Variants in EPB41L3 observed in about 807,000 individuals in gnomAD.
EPB41L3 encodes band 4.1-like protein 3.
In EPB41L3, 57 loss-of-function variants were observed where a neutral mutation model predicts 127.1. The observed-to-expected ratio is 0.45, with a 90% CI of 0.36 to 0.56. The LOEUF (loss-of-function observed/expected upper bound fraction) is 0.56, where lower values mean the gene tolerates loss of function less well. Ranked by LOEUF, EPB41L3 falls within the 20% of genes least tolerant of loss-of-function variation. The pLI, the probability that EPB41L3 is intolerant of heterozygous loss-of-function variation, is 0.00. For synonymous variants in EPB41L3, 572 were observed against 549.5 expected (o/e 1.04, Z -0.57); for missense variants, 1,273 against 1,372.2 (o/e 0.93, Z 1.14).
intron 3 of EPB41L3, among the ~76,000 whole-genome samples, chr18:5,459,193 G>A (rs754552657): frequency 1.3e-5 from 2 of 152,138 alleles, no homozygotes; most frequent in African/African-American, 2.4e-5. Context: ...AACGACTCAA[G>A]CGGCTGAGGA....
In EPB41L3 at chr18:5,428,428, GCA is replaced by G; in HGVS notation, c.948_949del (p.Ala317LysfsTer33). The G allele has an allele frequency of 6.2e-7, 1 of 1,614,152 alleles. No individual in the cohort carries two copies. Among genetic ancestry groups the G allele is most frequent in the Non-Finnish European group, 8.5e-7 (1 of 1,180,030 alleles). The stretch of plus-strand genomic sequence containing the variant: ...GTCGCGATATATCAACAGACCACTT[GCA>G]CAAACTCCTAACATAATTTCTACCC... On this transcript the variant is annotated frameshift_variant, in exon 9 of 23. Coordinates refer to ENST00000341928, the MANE Select transcript of EPB41L3 (RefSeq NM_012307.5). LOFTEE classifies it high-confidence loss of function.
intron 3 of EPB41L3, among the ~76,000 whole-genome samples, chr18:5,559,384 A>T (rs182088205): frequency 6.6e-6 from 1 of 152,332 alleles, no homozygotes; most frequent in East Asian, 1.9e-4. Context: ...CCTTGCAAGG[A>T]CAGAGAAATC....
chr18:5,522,275 T>TTTTG (rs146090536), intron 1 of EPB41L3, among the ~76,000 whole-genome samples: 3 of 151,862 alleles, frequency 2.0e-5, no homozygotes, highest in Non-Finnish European at 2.9e-5. Flanking sequence ...AGCTAAATTT[T>TTTTG]TTTGTTTGTT....
At chr18:5,533,817 A>G (rs1404812695) in intron 1 of EPB41L3, among the ~76,000 whole-genome samples, 1 of 151,446 alleles carries the variant, frequency 6.6e-6, no homozygotes, top group Non-Finnish European at 1.5e-5. Context: ...TACTTCCTTA[A>G]CCTTTTAAAT....
intron 1 of EPB41L3, among the ~76,000 whole-genome samples, chr18:5,494,777 G>A (rs541958832): frequency 2.6e-5 from 4 of 152,016 alleles, no homozygotes; most frequent in African/African-American, 7.2e-5. Flanking sequence ...ACTTACTTGC[G>A]TGAGGTTACA....
intron 1 of EPB41L3, among the ~76,000 whole-genome samples, chr18:5,511,409 TTTTTTTTTTTTTTG>T: frequency 7.1e-6 from 1 of 141,430 alleles, no homozygotes; most frequent in Non-Finnish European, 1.5e-5. Context: ...TTTTTTTTTT[TTTTTTTTTTTTTTG>T]TATGTAGACC....
intron 5 of EPB41L3, among the ~76,000 whole-genome samples, chr18:5,443,039 C>T (rs2081007762): frequency 6.6e-6 from 1 of 152,066 alleles, no homozygotes; most frequent in African/African-American, 2.4e-5. Context: ...TTCTAGTTTT[C>T]TGCTACTGTA....
intron 3 of EPB41L3, among the ~76,000 whole-genome samples, chr18:5,446,006 CTA>C (rs1004818418): frequency 1.3e-5 from 2 of 152,146 alleles, no homozygotes; most frequent in Non-Finnish European, 2.9e-5. Context: ...GACCGCAGCT[CTA>C]TGAGATAAAC....
intron 1 of EPB41L3, among the ~76,000 whole-genome samples, chr18:5,511,806 C>T (rs141390034): frequency 7.9e-5 from 12 of 151,992 alleles, no homozygotes; most frequent in Admixed American, 2.0e-4. Context: ...ACCTTCCAGA[C>T]GCATACAGAC....
chr18:5,488,990 C>T lies in EPB41L3; in HGVS notation c.183+11G>A, dbSNP rs1448327132. The stretch of plus-strand genomic sequence containing the variant: ...AAACACTGCGTCATTAGTTTTCTGG[C>T]CTGGGCTCACCTCCCTCCGCACCGG... On this transcript the variant is annotated intron_variant, in intron 2 of 22. Transcript: ENST00000341928. 1.3e-6 allele frequency: 2 copies of T among 1,571,716 alleles called. No homozygotes were observed. Among genetic ancestry groups the T allele is most frequent in the Non-Finnish European group, 1.7e-6 (2 of 1,170,106 alleles).
chr18:5,425,490 T>C (rs769565670), intron 9 of EPB41L3, among the ~76,000 whole-genome samples: 2 of 152,178 alleles, frequency 1.3e-5, no homozygotes, highest in Admixed American at 1.3e-4. Flanking sequence ...ATTACGCCAA[T>C]GCCAGGGGTT....
At chr18:5,535,799 A>G (rs910605837) in intron 1 of EPB41L3, among the ~76,000 whole-genome samples, 1 of 152,228 alleles carries the variant, frequency 6.6e-6, no homozygotes, top group African/African-American at 2.4e-5. Context: ...AGAGCAGCCC[A>G]CATCCCTGAC....
chr18:5,430,480 G>T (rs928615024), intron 8 of EPB41L3, among the ~76,000 whole-genome samples: 3 of 150,704 alleles, frequency 2.0e-5, no homozygotes, highest in Admixed American at 6.6e-5. Context: ...TTCATTAATC[G>T]CACGGCAAAA....
At chr18:5,458,415 G>A (rs372528237) in intron 3 of EPB41L3, among the ~76,000 whole-genome samples, 1 of 152,140 alleles carries the variant, frequency 6.6e-6, no homozygotes, top group Admixed American at 6.6e-5. Context: ...AAAAATACAT[G>A]ATGGATCATG....
intron 3 of EPB41L3, among the ~76,000 whole-genome samples, chr18:5,464,839 C>G (rs567935544): frequency 2.6e-5 from 4 of 152,112 alleles, no homozygotes; most frequent in African/African-American, 9.7e-5. Flanking sequence ...GCCAACGTCC[C>G]GAGGGACTAG....
At chr18:5,407,172 T>G in intron 15 of EPB41L3, 1 of 580,788 alleles carries the variant, frequency 1.7e-6, no homozygotes, top group Non-Finnish European at 3.0e-6. Flanking sequence ...AAAATCTAGT[T>G]CACACAAACA....
chr18:5,416,851 TAA>T (rs751654186), intron 12 of EPB41L3, among the ~76,000 whole-genome samples: 1 of 145,570 alleles, frequency 6.9e-6, no homozygotes, highest in South Asian at 2.2e-4. Context: ...AGATTTTGAT[TAA>T]AAAAAAAAAA....
Position 5,397,435 on chromosome 18 carries a change from G to A in EPB41L3, c.2473-9C>T. ...GTCTTGGTTTCCATTTTCTGCATGG[G>A]AAGAGATTGTGGCATCAGTGTGACC... On this transcript the variant is annotated splice_polypyrimidine_tract_variant and intron_variant, in intron 17 of 22. Coordinates refer to ENST00000341928, the MANE Select transcript of EPB41L3 (RefSeq NM_012307.5). This position sits in a 1 kb window ranked among gnomAD's most constrained non-coding sequence, Gnocchi z 4.1. 5 of 1,599,474 alleles carry A rather than the reference G, an allele frequency of 3.1e-6. No individual in the cohort carries two copies. Among genetic ancestry groups the A allele is most frequent in the Non-Finnish European group, 4.3e-6 (5 of 1,171,946 alleles).
chr18:5,610,793 A>G (rs1259186753), intron 3 of EPB41L3, among the ~76,000 whole-genome samples: 2 of 152,228 alleles, frequency 1.3e-5, no homozygotes, highest in African/African-American at 4.8e-5. Context: ...CCAAAAAGAA[A>G]TAAGTTATTA....
Sources: allele counts gnomAD v4.1 joint callset (sites outside exome capture counted in the v4.1 genomes callset), GRCh38; gene constraint gnomAD v4.1.1; non-coding constraint Gnocchi (gnomAD v3.1); transcripts MANE v1.5; gene names NCBI Gene and HGNC (gene_info 2026-07-23, HGNC 2026-07-21).